Variants in CBR4 observed in about 807,000 individuals in gnomAD.
The protein encoded by CBR4 is carbonyl reductase 4.
CBR4 carries 22 observed loss-of-function variants against 21.0 expected under a neutral mutation model. The ratio of observed to expected loss-of-function variants is 1.05; its 90% confidence interval spans 0.75 to 1.50. CBR4 has a LOEUF of 1.50. Ranked by LOEUF, CBR4 falls within the 40% of genes most tolerant of loss-of-function variation. CBR4 has a pLI of 0.00. For missense variants in CBR4, 302 were observed against 286.3 expected, an observed-to-expected ratio of 1.05 and a Z score of -0.40; for synonymous variants, 100 against 104.4, an observed-to-expected ratio of 0.96 and a Z score of 0.26.
chr4:169,003,687 T>G (rs1055336431), intron 3 of CBR4, among the ~76,000 whole-genome samples: 2 of 152,212 alleles, frequency 1.3e-5, no homozygotes, highest in Admixed American at 1.3e-4. Context: ...TTCTAAGACT[T>G]GGAACCAAAT....
chr4:168,990,493 G>A (rs929612969), intron 4 of CBR4, among the ~76,000 whole-genome samples, 165 bp from the exon 5 acceptor site: 1 of 151,984 alleles, frequency 6.6e-6, no homozygotes, highest in African/African-American at 2.4e-5. Context: ...CTAGAATGCA[G>A]TGGTGCAAAC....
intron 4 of CBR4, among the ~76,000 whole-genome samples, chr4:168,993,099 T>A (rs1765002666): frequency 6.6e-6 from 1 of 152,186 alleles, no homozygotes; most frequent in Non-Finnish European, 1.5e-5. Context: ...TAAATGAAAC[T>A]TAATTTACAG....
At position 168,989,913 on chromosome 4, in the gene CBR4, T is replaced by C; in HGVS notation, c.*237A>G. 1.7e-6 allele frequency: 2 copies of C among 1,161,414 alleles called. No homozygotes were observed. Among genetic ancestry groups the C allele is most frequent in the Non-Finnish European group, 2.1e-6 (2 of 940,944 alleles). The allele number at this position is 1,161,414 out of a possible 1,614,324, so 71.9% of individuals were successfully genotyped here. On this transcript the variant is annotated 3_prime_UTR_variant, in exon 5 of 5. Coordinates refer to ENST00000306193, the MANE Select transcript of CBR4 (RefSeq NM_032783.5). Reference sequence around the variant, plus strand: ...GTGTGATTATATGGTATGTGAATTGTATCTCATGAAGGCTTTTTAAACAAA... The same window carrying C: ...GTGTGATTATATGGTATGTGAATTGCATCTCATGAAGGCTTTTTAAACAAA...
At chr4:168,941,607 GA>G in intron 2 of CBR4, among the ~76,000 whole-genome samples, 1 of 152,268 alleles carries the variant, frequency 6.6e-6, no homozygotes, top group South Asian at 2.1e-4. Context: ...GGGTCAAATG[GA>G]ATTTCTGGTT....
rs1211718205 is a variant in CBR4 at position 168,988,443 on chromosome 4, T to G, written c.*1707A>C. Reference sequence around the variant, plus strand: ...TCGCTCATGATTTCAGAGCATAAGGTGTCCAGAGAAGAAAACTCAAGACTG... The same window carrying G: ...TCGCTCATGATTTCAGAGCATAAGGGGTCCAGAGAAGAAAACTCAAGACTG... On this transcript the variant is annotated 3_prime_UTR_variant, in exon 5 of 5. Transcript: ENST00000306193. 14 of 985,412 alleles carry G rather than the reference T, an allele frequency of 1.4e-5. No individual in the cohort carries two copies. Among genetic ancestry groups the G allele is most frequent in the Non-Finnish European group, 1.7e-5 (14 of 829,934 alleles). The allele number at this position is 985,412 out of a possible 1,614,324, so 61.0% of individuals were successfully genotyped here. A position where few individuals can be genotyped will look rare whatever the true frequency, so the allele number is the denominator to read the frequency against.
chr4:168,933,242 T>C (rs1344527473), intron 2 of CBR4, among the ~76,000 whole-genome samples: 2 of 152,058 alleles, frequency 1.3e-5, no homozygotes, highest in East Asian at 3.8e-4. Context: ...AAAAAAACCA[T>C]GCAACTATAT....
At position 169,010,219 on chromosome 4, in the gene CBR4, T is replaced by C. The variant is rs1043588318; in HGVS notation, c.-130A>G. On this transcript the variant is annotated 5_prime_UTR_variant, in exon 1 of 5. Transcript: ENST00000306193. Reference sequence around the variant, plus strand: ...AAAAAAGGCAAACCGCAAAAAAAAATAACGCCGCTCGACACCTCCTGCAGC... The same window carrying C: ...AAAAAAGGCAAACCGCAAAAAAAAACAACGCCGCTCGACACCTCCTGCAGC... The C allele has an allele frequency of 2.2e-5, 17 of 779,108 alleles. No homozygotes were observed. Among genetic ancestry groups the C allele is most frequent in the Middle Eastern group, 4.1e-4 (1 of 2,452 alleles). 48.3% of individuals were successfully genotyped at this position (779,108 alleles called of 1,614,324 possible).
intron 2 of CBR4, among the ~76,000 whole-genome samples, chr4:168,911,312 A>C (rs1343844453): frequency 6.6e-6 from 1 of 152,218 alleles, no homozygotes; most frequent in East Asian, 1.9e-4. Flanking sequence ...TTTAACTTAC[A>C]TTATATCTTT....
chr4:168,952,363 T>C (rs1763564742), intron 2 of CBR4, among the ~76,000 whole-genome samples: 1 of 152,204 alleles, frequency 6.6e-6, no homozygotes, highest in Admixed American at 6.5e-5. Context: ...TTCACCTTTC[T>C]CTGGTGCCTC....
chr4:168,936,181 G>A (rs898544811), intron 2 of CBR4, among the ~76,000 whole-genome samples: 7 of 152,230 alleles, frequency 4.6e-5, no homozygotes, highest in African/African-American at 1.7e-4. Flanking sequence ...CAGACCTGCA[G>A]TAGAGGGCCC....
intron 2 of CBR4, chr4:168,925,468 T>C: frequency 1.6e-6 from 1 of 611,546 alleles, no homozygotes; most frequent in Non-Finnish European, 3.0e-6. Context: ...TCTTCCTATA[T>C]TCTATCGCAG....
At chr4:169,003,010 A>G (rs1209938863) in intron 3 of CBR4, among the ~76,000 whole-genome samples, 1 of 152,224 alleles carries the variant, frequency 6.6e-6, no homozygotes, top group African/African-American at 2.4e-5. Context: ...TCTGGTCACC[A>G]AAGAGCTCTG....
At position 168,910,260 on chromosome 4, in the gene CBR4, A is replaced by G. The variant is rs1044937953; in HGVS notation, n.170-15495T>C. 2.3e-4 allele frequency among the ~76,000 whole-genome samples: 32 copies of G among 140,518 alleles called. 1 individual carries two copies. The highest frequency in any genetic ancestry group is 7.9e-4 in the African/African-American group (30 of 37,808). 92.2% of individuals were successfully genotyped at this position (140,518 alleles called of 152,430 possible). A position where few individuals can be genotyped will look rare whatever the true frequency, so the allele number is the denominator to read the frequency against. On this transcript the variant is annotated intron_variant and non_coding_transcript_variant, in intron 2 of 3. Transcript: ENST00000509108. ...TTTTTTTGAGAGGGGAGGAAGAGGC[A>G]GGCTAAGCATATCAAGGATCTGTTT...
chr4:168,999,493 A>C (rs1730224609), intron 4 of CBR4, among the ~76,000 whole-genome samples: 1 of 152,076 alleles, frequency 6.6e-6, no homozygotes, highest in Admixed American at 6.6e-5. Context: ...AGGCCACTCT[A>C]TTAAATGGCC....
intron 2 of CBR4, among the ~76,000 whole-genome samples, chr4:168,920,092 G>A (rs1235643779): frequency 6.6e-6 from 1 of 152,180 alleles, no homozygotes; most frequent in Non-Finnish European, 1.5e-5. Flanking sequence ...GTTTCTAGAT[G>A]TGGGAACAAC....
intron 4 of CBR4, chr4:169,001,381 TAC>T (rs1289106467): frequency 6.6e-6 from 1 of 152,132 alleles, no homozygotes; most frequent in South Asian, 2.1e-4. Context: ...GAATCCCAGG[TAC>T]AGTTTTCTAA....
intron 2 of CBR4, among the ~76,000 whole-genome samples, chr4:168,931,943 G>A (rs1163058096): frequency 7.5e-6 from 1 of 134,122 alleles, no homozygotes; most frequent in African/African-American, 2.6e-5. Flanking sequence ...ATACAAATAC[G>A]TCTTTCCCTA....
chr4:169,007,682 G>A lies in CBR4; in HGVS notation c.217C>T (p.His73Tyr). 1 of 1,594,200 alleles carries A rather than the reference G, an allele frequency of 6.3e-7. No homozygotes were observed. Among genetic ancestry groups the A allele is most frequent in the Non-Finnish European group, 8.5e-7 (1 of 1,171,444 alleles). The change falls in exon 2 of 5, where the codon CAT becomes TAT. Residue 73 changes from histidine to tyrosine, a missense_variant. Coordinates refer to ENST00000306193, the MANE Select transcript of CBR4 (RefSeq NM_032783.5). ...ACCAAGAAATTTACTCGACCTAAAT[G>A]TTTCTCCAGCTCTTCAAATGTATTT... ...VQNTFEELEK[H>Y]LGRVNFLVNA...
intron 2 of CBR4, chr4:168,926,726 A>C: frequency 3.2e-6 from 1 of 308,360 alleles, no homozygotes; most frequent in Middle Eastern, 9.3e-4. Flanking sequence ...TAAACACAAG[A>C]TATAGGTGCT....
Sources: gnomAD v4.1 joint callset for allele counts (sites outside exome capture counted in the v4.1 genomes callset) on GRCh38, gnomAD v4.1.1 for gene constraint, MANE v1.5 for transcripts, NCBI Gene and HGNC (gene_info 2026-07-23, HGNC 2026-07-21) for gene names.